SPATA3: variants seen among roughly 807,000 people sequenced by gnomAD.
SPATA3 encodes the protein spermatogenesis associated 3.
Under a neutral mutation model 5.7 loss-of-function variants are expected in SPATA3, and 6 were observed. That is an observed-to-expected ratio of 1.06 (90% CI 0.58 to 2.09). SPATA3 has a LOEUF of 2.09. Among genes scored for constraint, SPATA3 ranks in the 30% most tolerant of loss-of-function variants. SPATA3 has a pLI of 0.00. For synonymous variants in SPATA3, 44 were observed against 48.4 expected (o/e 0.91, Z 0.37); for missense variants, 155 against 130.4 (o/e 1.19, Z -0.92).
chr2:230,998,029 C>T lies in SPATA3; in HGVS notation c.791-2337C>T, dbSNP rs764087308. ...CTCTATTCTGACTCCAGAACCCTCACTTTAAACCACAGCACTGACCTTTCC... is the reference window on the plus strand; with the variant it reads ...CTCTATTCTGACTCCAGAACCCTCATTTTAAACCACAGCACTGACCTTTCC... On this transcript the variant is annotated intron_variant, in intron 1 of 2. Coordinates refer to ENST00000645363, the Ensembl canonical transcript of SPATA3. Among the ~76,000 whole-genome samples the T allele has an allele frequency of 2.0e-4, 31 of 152,318 alleles. No individual in the cohort carries two copies. The Middle Eastern group carries it at 0.01, about 50-fold the overall frequency.
chr2:231,001,708 T>C (rs1312651990), intron 2 of SPATA3, among the ~76,000 whole-genome samples: 1 of 152,174 alleles, frequency 6.6e-6, no homozygotes, highest in Admixed American at 6.5e-5. Flanking sequence ...AAACTTACTA[T>C]GCAGAGGACA....
At chr2:231,016,865 C>G (rs1692951023) in intron 6 of SPATA3, among the ~76,000 whole-genome samples, 1 of 152,166 alleles carries the variant, frequency 6.6e-6, no homozygotes, top group African/African-American at 2.4e-5. Context: ...AGGAAAACAA[C>G]AGACTCCTTC....
exon 5 of SPATA3, chr2:231,012,666 G>A (rs114776253): frequency 0.051 from 7,836 of 152,266 alleles, 589 homozygotes; most frequent in African/African-American, 0.17. Context: ...TGCTGTTGCT[G>A]AAAGAGACTT....
At chr2:231,011,834 G>A (rs1692796193), downstream of SPATA3, among the ~76,000 whole-genome samples, 1 of 152,188 alleles carries the variant, frequency 6.6e-6, no homozygotes, top group Admixed American at 6.5e-5. Context: ...AGCACTTCAG[G>A]CTGCTATTAC....
intron 1 of SPATA3, among the ~76,000 whole-genome samples, chr2:230,996,884 G>A (rs1692144115): frequency 1.3e-5 from 2 of 152,202 alleles, no homozygotes; most frequent in Non-Finnish European, 2.9e-5. Flanking sequence ...AATAAGGGAG[G>A]TGATGATACT....
chr2:231,017,315 C>A (rs1692959474), intron 6 of SPATA3, among the ~76,000 whole-genome samples: 1 of 152,246 alleles, frequency 6.6e-6, no homozygotes, highest in Non-Finnish European at 1.5e-5. Flanking sequence ...TCCGTGGTAT[C>A]AGCTTCCCTC....
At chr2:231,004,292 C>T (rs1443231269), downstream of SPATA3, among the ~76,000 whole-genome samples, 7 of 152,132 alleles carry the variant, frequency 4.6e-5, no homozygotes, top group African/African-American at 1.7e-4. Context: ...CAGTACCTTC[C>T]TCTTGAGCCT....
chr2:231,002,807 C>T, downstream of SPATA3: 2 of 1,428,392 alleles, frequency 1.4e-6, no homozygotes, highest in South Asian at 1.5e-5. Context: ...TGAACAAGCC[C>T]CTAGGCCCAC....
chr2:231,009,370 T>C (rs528327060), downstream of SPATA3, among the ~76,000 whole-genome samples: 5 of 152,242 alleles, frequency 3.3e-5, no homozygotes, highest in South Asian at 1.0e-3. Context: ...ATCCTGGCAG[T>C]TGGATCCCCC....
downstream of SPATA3, among the ~76,000 whole-genome samples, chr2:231,005,087 A>G (rs112036029): frequency 0.32 from 44,430 of 137,240 alleles, 6,005 homozygotes; most frequent in East Asian, 0.41. Flanking sequence ...CATCATCACC[A>G]TCACCATCCT....
downstream of SPATA3, among the ~76,000 whole-genome samples, chr2:231,011,329 G>T (rs1422283705): frequency 6.6e-6 from 1 of 152,028 alleles, no homozygotes; most frequent in African/African-American, 2.4e-5. Flanking sequence ...TGGCCAGGCT[G>T]GTCTCGAACT....
At chr2:231,017,876 CAGG>C (rs768950094) in intron 6 of SPATA3, among the ~76,000 whole-genome samples, 114 of 152,014 alleles carry the variant, frequency 7.5e-4, no homozygotes, top group East Asian at 3.9e-4. Flanking sequence ...CCAGATCTCT[CAGG>C]AGAAGGAGAT....
chr2:231,003,869 T>C (rs1183280910), downstream of SPATA3, among the ~76,000 whole-genome samples: 7 of 151,980 alleles, frequency 4.6e-5, no homozygotes, highest in Non-Finnish European at 1.0e-4. Flanking sequence ...CCTTGTAGGG[T>C]TATTGTGAGG....
chr2:231,019,236 C>T (rs372527346), intron 6 of SPATA3, among the ~76,000 whole-genome samples: 31 of 146,756 alleles, frequency 2.1e-4, no homozygotes, highest in South Asian at 4.3e-4. Context: ...CCCAAAGTGC[C>T]GGGATTACAG....
At chr2:231,004,097 TC>T (rs1221724041), downstream of SPATA3, 3 of 152,120 alleles carry the variant, frequency 2.0e-5, no homozygotes, top group Non-Finnish European at 2.9e-5. Context: ...GTTCAGAATA[TC>T]TCAAAAGCCA....
chr2:231,001,265 G>A (rs1692343576), intron 2 of SPATA3, among the ~76,000 whole-genome samples: 1 of 152,240 alleles, frequency 6.6e-6, no homozygotes, highest in Non-Finnish European at 1.5e-5. Context: ...CCCACGTTTG[G>A]GCGCTGCTAG....
In SPATA3 at chr2:231,015,547, G is replaced by C. The variant is rs137969421; in HGVS notation, c.*565+1335G>C. Among the ~76,000 whole-genome samples the C allele has an allele frequency of 3.3e-5, 5 of 152,234 alleles. No homozygotes were observed. In the East Asian group the frequency reaches 9.6e-4, roughly 29 times the overall value. On this transcript the variant is annotated intron_variant, in intron 6 of 8. Coordinates refer to the SPATA3 transcript ENST00000452881. ...ACAAGGTCGTATCCTAGAGGCAAGAGGAGGCAGCAAAGCCTGGAATAGAGG... is the reference window on the plus strand; with the variant it reads ...ACAAGGTCGTATCCTAGAGGCAAGACGAGGCAGCAAAGCCTGGAATAGAGG...
downstream of SPATA3, among the ~76,000 whole-genome samples, chr2:231,007,029 G>A (rs1176539897): frequency 6.6e-6 from 1 of 152,180 alleles, no homozygotes; most frequent in African/African-American, 2.4e-5. Flanking sequence ...TACAGCCTGA[G>A]GTGTGTGGCT....
chr2:231,005,430 C>T (rs1443439386), downstream of SPATA3, among the ~76,000 whole-genome samples: 3 of 58,686 alleles, frequency 5.1e-5, no homozygotes, highest in Non-Finnish European at 6.9e-5. Flanking sequence ...ATCACCACCA[C>T]CACCACAATC....
Sources: gnomAD v4.1 joint callset for allele counts (sites outside exome capture counted in the v4.1 genomes callset) on GRCh38, gnomAD v4.1.1 for gene constraint, MANE v1.5 for transcripts, NCBI Gene and HGNC (gene_info 2026-07-23, HGNC 2026-07-21) for gene names.